Variants in TRPM6 observed in about 807,000 individuals in gnomAD.
The protein encoded by TRPM6 is channel kinase 2.
In TRPM6, 111 loss-of-function variants were observed where a neutral mutation model predicts 247.6. That is an observed-to-expected ratio of 0.45 (90% CI 0.38 to 0.52). TRPM6 has a LOEUF of 0.52. Among genes scored for constraint, TRPM6 ranks in the 20% least tolerant of loss-of-function variants. TRPM6 has a pLI of 0.00. For synonymous variants in TRPM6, 892 were observed against 853.8 expected (o/e 1.04, Z -0.78); for missense variants, 2,126 against 2,421.5 (o/e 0.88, Z 2.56).
chr9:74,885,872 C>T (rs919724915), intron 1 of TRPM6, among the ~76,000 whole-genome samples: 75 of 152,044 alleles, frequency 4.9e-4, no homozygotes, highest in African/African-American at 1.8e-3. Context: ...GAGTTCAAGA[C>T]CAGTCTGGGC....
At chr9:74,736,793 C>T (rs1003299533) in intron 36 of TRPM6, among the ~76,000 whole-genome samples, 3 of 152,146 alleles carry the variant, frequency 2.0e-5, no homozygotes, top group African/African-American at 7.2e-5. Context: ...CTCTTTTTCC[C>T]TCAAGACTGT....
At chr9:74,769,350 T>C (rs780160341) in intron 25 of TRPM6, among the ~76,000 whole-genome samples, 26 of 152,198 alleles carry the variant, frequency 1.7e-4, no homozygotes, top group East Asian at 1.4e-3. Context: ...GGTTTTGCCA[T>C]GTTAGCCAGG....
chr9:74,775,847 T>C (rs1355472451), intron 24 of TRPM6, 36 bp downstream of exon 24: 25 of 1,608,450 alleles, frequency 1.6e-5, no homozygotes, highest in African/African-American at 2.7e-5. Context: ...TCCTACTTTT[T>C]GCTCTCTTTC....
chr9:74,773,561 T>C (rs2118889243), intron 24 of TRPM6, among the ~76,000 whole-genome samples: 1 of 152,332 alleles, frequency 6.6e-6, no homozygotes, highest in East Asian at 1.9e-4. Context: ...CACTGTTGCC[T>C]AATAGAATAA....
At chr9:74,853,637 T>G (rs575369139) in intron 3 of TRPM6, among the ~76,000 whole-genome samples, 177 of 152,236 alleles carry the variant, frequency 1.2e-3, no homozygotes, top group African/African-American at 4.1e-3. Flanking sequence ...GATGTGCTTT[T>G]TTAAACAGAT....
At chr9:74,865,482 A>G (rs556330454) in intron 1 of TRPM6, among the ~76,000 whole-genome samples, 23 of 152,348 alleles carry the variant, frequency 1.5e-4, no homozygotes, top group South Asian at 1.2e-3. Flanking sequence ...AGTGTACTTT[A>G]CAACTGTCCC....
chr9:74,882,674 G>C (rs1304366603), intron 1 of TRPM6, among the ~76,000 whole-genome samples: 1 of 152,166 alleles, frequency 6.6e-6, no homozygotes, highest in African/African-American at 2.4e-5. Flanking sequence ...ATGTAATTTA[G>C]TACAGCCGTT....
chr9:74,792,106 A>G (rs1189814249), intron 19 of TRPM6, among the ~76,000 whole-genome samples: 11 of 152,210 alleles, frequency 7.2e-5, no homozygotes, highest in Non-Finnish European at 1.5e-4. Context: ...GCTTAATTCT[A>G]CAAACACTGC....
chr9:74,864,664 A>C (rs1830788772), intron 1 of TRPM6, among the ~76,000 whole-genome samples: 1 of 152,178 alleles, frequency 6.6e-6, no homozygotes, highest in African/African-American at 2.4e-5. Context: ...AACATCTCTA[A>C]AAATTGAATG....
At chr9:74,849,731 C>A (rs1017623140) in intron 3 of TRPM6, among the ~76,000 whole-genome samples, 1 of 152,162 alleles carries the variant, frequency 6.6e-6, no homozygotes. Flanking sequence ...CAGCCTAGGC[C>A]ATAAACAGGA....
intron 19 of TRPM6, among the ~76,000 whole-genome samples, chr9:74,792,068 T>C (rs190370705): frequency 2.0e-5 from 3 of 152,290 alleles, no homozygotes; most frequent in Non-Finnish European, 4.4e-5. Flanking sequence ...CAATTGCTGA[T>C]TTTCTAAGAA....
intron 1 of TRPM6, among the ~76,000 whole-genome samples, chr9:74,860,185 C>A (rs1156780900): frequency 6.6e-6 from 1 of 152,172 alleles, no homozygotes; most frequent in Non-Finnish European, 1.5e-5. Flanking sequence ...CTTCCCAGAT[C>A]AAGGCCAGAG....
At chr9:74,742,647 T>C (rs527420648) in intron 32 of TRPM6, 21 bp from the exon 33 acceptor site, 1 of 1,611,900 alleles carries the variant, frequency 6.2e-7, no homozygotes, top group African/African-American at 1.3e-5. Flanking sequence ...AAACAGATTT[T>C]CTATTTTAAG....
At chr9:74,832,316 AG>A (rs1342225855) in intron 6 of TRPM6, among the ~76,000 whole-genome samples, 6 of 152,226 alleles carry the variant, frequency 3.9e-5, no homozygotes, top group Admixed American at 2.0e-4. Flanking sequence ...CAAAAATAAA[AG>A]CAAGTCAAGA....
chr9:74,837,677 A>C (rs975940213), intron 5 of TRPM6, among the ~76,000 whole-genome samples: 4 of 149,956 alleles, frequency 2.7e-5, no homozygotes, highest in Admixed American at 2.0e-4. Flanking sequence ...CGATCTCCTG[A>C]CCTTGTGATC....
At position 74,740,038 on chromosome 9, in the gene TRPM6, C is replaced by A. The variant is rs778064090; in HGVS notation, c.5201-29G>T. On this transcript the variant is annotated intron_variant, in intron 33 of 38. Coordinates refer to ENST00000360774, the MANE Select transcript of TRPM6 (RefSeq NM_017662.5). ...CAAAGAGAAGTGAAGGCTAGGAATTCAATAAGATTGCCATGTCTGTGACAT... is the reference window on the plus strand; with the variant it reads ...CAAAGAGAAGTGAAGGCTAGGAATTAAATAAGATTGCCATGTCTGTGACAT... The A allele has an allele frequency of 2.5e-6, 4 of 1,610,710 alleles. No homozygotes were observed. The Admixed American group carries it at 6.7e-5, about 27-fold the overall frequency.
intron 1 of TRPM6, among the ~76,000 whole-genome samples, chr9:74,862,096 G>GAAAAA (rs577562437): frequency 0.016 from 1,586 of 100,414 alleles, 99 homozygotes; most frequent in African/African-American, 0.061. Context: ...AAAACTACCA[G>GAAAAA]AAAAAAAAAA....
At chr9:74,782,963 T>G (rs1471005682) in intron 21 of TRPM6, 110 bp from the exon 22 acceptor site, 1 of 1,075,772 alleles carries the variant, frequency 9.3e-7, no homozygotes, top group African/African-American at 1.5e-5. Flanking sequence ...GATTGTCTAG[T>G]CATTGACTAA....
chr9:74,742,565 C>T lies in TRPM6; in HGVS notation c.5196G>A (p.Leu1732=). ...SQTIPFTPVQ[L]FAGEEITVYR... ...GAAGGTAGAAATGCTACTCACCAAA[C>T]AGTTGGACTGGTGTAAATGGTATGG... Residue 1732 remains leucine, a synonymous_variant, in exon 33 of 39, where the codon CTG becomes CTA. Transcript: ENST00000360774. The T allele has an allele frequency of 1.2e-6, 2 of 1,613,878 alleles. No individual in the cohort carries two copies. Among genetic ancestry groups the T allele is most frequent in the Non-Finnish European group, 1.7e-6 (2 of 1,179,882 alleles).
Sources: allele counts gnomAD v4.1 joint callset (sites outside exome capture counted in the v4.1 genomes callset), GRCh38; gene constraint gnomAD v4.1.1; transcripts MANE v1.5; gene names NCBI Gene and HGNC (gene_info 2026-07-23, HGNC 2026-07-21).